NOMO1: variants seen among roughly 807,000 people sequenced by gnomAD.
NOMO1 encodes the protein nodal modulator 3.
A neutral mutation model predicts 133.8 loss-of-function variants in NOMO1; 40 were observed. The ratio of observed to expected loss-of-function variants is 0.30; its 90% CI spans 0.23 to 0.39. NOMO1 has a LOEUF of 0.39. NOMO1 is among the 10% of genes least tolerant of loss of function. The pLI is 1.00. For missense variants in NOMO1, 462 were observed against 1,419.9 expected, an observed-to-expected ratio of 0.33 and a Z score of 10.84; for synonymous variants, 236 against 570.5, an observed-to-expected ratio of 0.41 and a Z score of 8.36.
At chr16:14,857,174 A>C (rs1013031105) in intron 9 of NOMO1, 43 bp from the exon 10 acceptor site, 1 of 1,611,988 alleles carries the variant, frequency 6.2e-7, no homozygotes, top group Non-Finnish European at 8.5e-7. Flanking sequence ...GCTCTGGCAC[A>C]GGAGCACCTT....
rs1416181380 is a variant in NOMO1 at position 14,883,384 on chromosome 16, T to C, written c.3111+707T>C. On this transcript the variant is annotated intron_variant, in intron 26 of 30. Transcript: ENST00000287667. Reference sequence around the variant, plus strand: ...CGGAGTCTCACCCTGTCACGCAGGATGGAGTGCAGTGCCGTGATCTCGGCT... The same window carrying C: ...CGGAGTCTCACCCTGTCACGCAGGACGGAGTGCAGTGCCGTGATCTCGGCT... Among the ~76,000 whole-genome samples the C allele has an allele frequency of 4.0e-5, 6 of 151,226 alleles. No individual in the cohort carries two copies. In the South Asian group the frequency reaches 1.0e-3, roughly 26 times the overall value.
intron 7 of NOMO1, 84 bp from the exon 8 acceptor site, chr16:14,853,383 A>G: frequency 1.9e-6 from 2 of 1,074,464 alleles, no homozygotes; most frequent in Non-Finnish European, 2.6e-6. Context: ...ACTTAAAAAA[A>G]TTTTCCTATA....
rs750778608 is a variant in NOMO1 at position 14,875,131 on chromosome 16, G to T, written c.2150G>T (p.Arg717Leu). ...CAGCAGCTGGCTGAGATCGAGGCCC[G>T]CAGGCAGGAGAGGGAGAAAAACGGC... ...REQQLAEIEA[R>L]RQEREKNGNE... is the part of the protein sequence containing the mutation. Residue 717 changes from arginine to leucine, a missense_variant, in exon 19 of 31, where the codon CGC becomes CTC. Transcript: ENST00000287667. The T allele has an allele frequency of 3.1e-6, 5 of 1,613,774 alleles. No individual in the cohort carries two copies. The highest frequency in any genetic ancestry group is 4.2e-6 in the Non-Finnish European group (5 of 1,179,850).
rs147182639 is a variant in NOMO1, at chr16:14,878,086, A to T, written c.2644-635A>T. On this transcript the variant is annotated intron_variant, in intron 22 of 30. Coordinates refer to ENST00000287667, the MANE Select transcript of NOMO1 (RefSeq NM_014287.4). ...ACCAGGATAAATTGTTGAGGAAGAG[A>T]GCAAGAACTGTACATATAACATGCC... Among the ~76,000 whole-genome samples the T allele has an allele frequency of 8.6e-3, 1,308 of 151,888 alleles. 34 individuals are homozygous for T. The highest frequency in any genetic ancestry group is 0.03 in the African/African-American group (1,220 of 41,312).
chr16:14,871,117 C>G (rs1347764075), intron 16 of NOMO1, among the ~76,000 whole-genome samples: 1 of 151,582 alleles, frequency 6.6e-6, no homozygotes, highest in African/African-American at 2.4e-5. Context: ...GTTCCTCTGG[C>G]AAGTGATGAA....
Position 14,857,562 on chromosome 16 carries a change from C to G in NOMO1, c.1127C>G (p.Thr376Ser), listed in dbSNP as rs766656570. Residue 376 changes from threonine to serine, a missense_variant, in exon 11 of 31, where the codon ACC becomes AGC. By Grantham distance (58) the Thr-to-Ser change is moderately conservative. Coordinates refer to ENST00000287667, the MANE Select transcript of NOMO1 (RefSeq NM_014287.4). The part of the protein sequence containing the change: ...RLENITTGTY[T>S]IHAQKEHLYF... ...GAGAACATAACCACAGGGACATACA[C>G]CATCCATGCTCAGAAAGAGCACCTC... 1.9e-6 allele frequency: 3 copies of G among 1,611,640 alleles called. No individual in the cohort carries two copies. The South Asian group carries it at 3.3e-5, about 18-fold the overall frequency.
chr16:14,845,416 C>G (rs1963665205), intron 4 of NOMO1, among the ~76,000 whole-genome samples: 1 of 152,026 alleles, frequency 6.6e-6, no homozygotes, highest in Admixed American at 6.6e-5. Flanking sequence ...CTTGTGGCAT[C>G]TTGCTGTCCC....
rs1285873498 is a variant in NOMO1, at chr16:14,879,780, C to T, written c.2758-235C>T. 3.4e-5 allele frequency among the ~76,000 whole-genome samples: 5 copies of T among 148,590 alleles called. 1 individual carries two copies. The highest frequency in any genetic ancestry group is 1.2e-4 in the African/African-American group (5 of 40,242). ...AAAAGAAAAGAAAAATTAAATATGA[C>T]TTCTACCTCTCTGAGTCATTGCAGG... On this transcript the variant is annotated intron_variant, in intron 23 of 30. Transcript: ENST00000287667.
At chr16:14,838,582 G>C in intron 2 of NOMO1, 86 bp downstream of exon 2, 2 of 1,557,348 alleles carry the variant, frequency 1.3e-6, no homozygotes, top group South Asian at 2.3e-5. Flanking sequence ...TCCTACACTA[G>C]CAAATGCTCA....
intron 11 of NOMO1, among the ~76,000 whole-genome samples, chr16:14,860,557 C>A (rs542743893): frequency 6.6e-6 from 1 of 151,836 alleles, no homozygotes; most frequent in African/African-American, 2.4e-5. Flanking sequence ...CGGGCCCAGG[C>A]GGCTGGCAGG....
At chr16:14,871,325 C>T (rs1175380675) in intron 16 of NOMO1, among the ~76,000 whole-genome samples, 10 of 151,726 alleles carry the variant, frequency 6.6e-5, no homozygotes, top group Middle Eastern at 6.8e-3. Flanking sequence ...TGTTCCTTCT[C>T]GTGCATGGGT....
At chr16:14,860,141 G>A (rs1963900646) in intron 11 of NOMO1, among the ~76,000 whole-genome samples, 1 of 151,992 alleles carries the variant, frequency 6.6e-6, no homozygotes. Context: ...AGGCTGAGGT[G>A]GGCGGATCAT....
chr16:14,884,282 C>T, intron 26 of NOMO1, 90 bp from the exon 27 acceptor site: 1 of 1,500,894 alleles, frequency 6.7e-7, no homozygotes, highest in Middle Eastern at 2.5e-4. Context: ...CAAAGTTTGC[C>T]ATGAAGCAGC....
At chr16:14,878,940 A>G (rs1282407696) in intron 23 of NOMO1, 106 bp downstream of exon 23, 16 of 1,469,208 alleles carry the variant, frequency 1.1e-5, no homozygotes, top group East Asian at 2.3e-5. Flanking sequence ...GAGAAAGCCA[A>G]TGTGGAGTGG....
At chr16:14,881,809 G>A in intron 25 of NOMO1, 124 bp downstream of exon 25, 2 of 908,266 alleles carry the variant, frequency 2.2e-6, no homozygotes, top group Admixed American at 2.5e-5. Flanking sequence ...GGGCTCTGGA[G>A]CCCTCCCAGT....
At chr16:14,867,151 T>G (rs1183831305) in intron 15 of NOMO1, among the ~76,000 whole-genome samples, 1 of 15,304 alleles carries the variant, frequency 6.5e-5, no homozygotes, top group Non-Finnish European at 1.6e-4. Context: ...GTTTCTCTGA[T>G]ATATATATAT....
intron 16 of NOMO1, among the ~76,000 whole-genome samples, chr16:14,869,751 C>T (rs372250801): frequency 1.3e-4 from 20 of 151,750 alleles, no homozygotes; most frequent in East Asian, 5.8e-4. Context: ...TTTCTTGTTT[C>T]GATACCTGGG....
At chr16:14,840,945 G>A (rs991194423) in intron 2 of NOMO1, among the ~76,000 whole-genome samples, 3 of 151,734 alleles carry the variant, frequency 2.0e-5, no homozygotes, top group Non-Finnish European at 2.9e-5. Flanking sequence ...GGGATTATAG[G>A]TGTGAGGTGC....
intron 16 of NOMO1, among the ~76,000 whole-genome samples, chr16:14,868,997 G>A (rs1964043641): frequency 6.7e-6 from 1 of 150,308 alleles, no homozygotes; most frequent in Non-Finnish European, 1.5e-5. Flanking sequence ...GGAGTGTAGT[G>A]GCTTGATCTT....
Sources: gnomAD v4.1 joint callset for allele counts (sites outside exome capture counted in the v4.1 genomes callset) on GRCh38, gnomAD v4.1.1 for gene constraint, MANE v1.5 for transcripts, NCBI Gene and HGNC (gene_info 2026-07-23, HGNC 2026-07-21) for gene names.